ADGRL1: variants seen among roughly 807,000 people sequenced by gnomAD.
The protein encoded by ADGRL1 is CIRL-1.
Under a neutral mutation model 148.9 loss-of-function variants are expected in ADGRL1, and 31 were observed. That is an observed-to-expected ratio of 0.21 (90% CI 0.16 to 0.28). The LOEUF (loss-of-function observed/expected upper bound fraction) is 0.28. ADGRL1 is among the 10% of genes least tolerant of loss of function. The pLI is 1.00. For missense variants in ADGRL1, 1,521 were observed against 2,058.8 expected (o/e 0.74, Z 5.05); for synonymous variants, 937 against 900.3 (o/e 1.04, Z -0.73).
chr19:14,163,465 G>GGGGAGAGAGAGA (rs1555785179), intron 4 of ADGRL1, 59 bp from the exon 5 acceptor site: 15 of 702,282 alleles, frequency 2.1e-5, no homozygotes, highest in Admixed American at 9.5e-5. Context: ...GCGAGAGGGA[G>GGGGAGAGAGAGA]GAGAGAGAGA....
In ADGRL1 at chr19:14,163,465, G is replaced by GGAGAGAGAGAGA. The variant is rs71170599; in HGVS notation, c.395-71_395-60dup. On this transcript the variant is annotated intron_variant, in intron 4 of 22. Coordinates refer to ENST00000361434, the MANE Select transcript of ADGRL1 (RefSeq NM_014921.5). ...AGAGAAGGGGCAGAGGCGAGAGGGA[G>GGAGAGAGAGAGA]GAGAGAGAGAGAGAGAGAGAGAGAG... 2,678 of 700,814 alleles carry GGAGAGAGAGAGA rather than the reference G, an allele frequency of 3.8e-3. 2 individuals are homozygous for GGAGAGAGAGAGA. Among genetic ancestry groups the GGAGAGAGAGAGA allele is most frequent in the South Asian group, 5.6e-3 (254 of 45,426 alleles). The allele number at this position is 700,814 out of a possible 1,614,324, so 43.4% of individuals were successfully genotyped here.
chr19:14,171,436 A>G (rs947473000), intron 3 of ADGRL1, among the ~76,000 whole-genome samples: 1 of 152,148 alleles, frequency 6.6e-6, no homozygotes, highest in African/African-American at 2.4e-5. Context: ...AGGAGGAGTC[A>G]CCCGCTAAAC....
chr19:14,151,087 C>T lies in ADGRL1; in HGVS notation c.4196G>A (p.Gly1399Glu). 6.6e-7 allele frequency: 1 copy of T among 1,517,960 alleles called. No homozygotes were observed. Among genetic ancestry groups the T allele is most frequent in the Non-Finnish European group, 8.8e-7 (1 of 1,132,464 alleles). 94.0% of individuals were successfully genotyped at this position (1,517,960 alleles called of 1,614,324 possible). A position where few individuals can be genotyped will look rare whatever the true frequency, so the allele number is the denominator to read the frequency against. ...GGGTGGGGGCAGGGCCTCACTGGGC[C>T]CCTCAGGGCTGCTGTCCGGGTAGGA... ...SPSYPDSSPE[G>E]PSEALPPPPP... Residue 1399 changes from glycine (G) to glutamate (E), a missense_variant, in exon 23 of 23, where the codon GGG becomes GAG. Coordinates refer to ENST00000361434, the MANE Select transcript of ADGRL1 (RefSeq NM_014921.5).
rs762441102 is a variant in ADGRL1, at chr19:14,157,495, T to C, written c.2536-35A>G. The stretch of plus-strand genomic sequence containing the variant: ...GGAACAGGGGGCACGCTCAGGGCCT[T>C]TGGTTTTGCACGCTGGGCTCAGCCA... On this transcript the variant is annotated intron_variant, in intron 13 of 22. Coordinates refer to ENST00000361434, the MANE Select transcript of ADGRL1 (RefSeq NM_014921.5). This position sits in a 1 kb window ranked among gnomAD's most constrained non-coding sequence, Gnocchi z 7.5. 4 of 1,605,162 alleles carry C rather than the reference T, an allele frequency of 2.5e-6. No homozygotes were observed. The highest frequency in any genetic ancestry group is 1.7e-5 in the Admixed American group (1 of 59,980).
chr19:14,186,721 T>A (rs1438878658), intron 1 of ADGRL1, among the ~76,000 whole-genome samples: 3 of 152,140 alleles, frequency 2.0e-5, no homozygotes, highest in Non-Finnish European at 4.4e-5. Flanking sequence ...AGTTCCTCAC[T>A]AGAGCCCAGA....
At chr19:14,193,044 C>T (rs1260173019) in intron 1 of ADGRL1, among the ~76,000 whole-genome samples, 1 of 152,130 alleles carries the variant, frequency 6.6e-6, no homozygotes, top group African/African-American at 2.4e-5. Context: ...CCTGGGGGAC[C>T]ACGCCTGACC....
At chr19:14,180,155 C>T (rs1171572341) in intron 2 of ADGRL1, among the ~76,000 whole-genome samples, 2 of 152,124 alleles carry the variant, frequency 1.3e-5, no homozygotes, top group African/African-American at 4.8e-5. Context: ...CACATTGTTG[C>T]CGGGAGAGTT....
At chr19:14,189,544 G>A (rs898789370) in intron 1 of ADGRL1, among the ~76,000 whole-genome samples, 1 of 152,102 alleles carries the variant, frequency 6.6e-6, no homozygotes, top group African/African-American at 2.4e-5. Flanking sequence ...TTTGTGTCCA[G>A]CTTCTCTCAC....
chr19:14,180,169 A>G (rs1406218016), intron 2 of ADGRL1, among the ~76,000 whole-genome samples: 2 of 152,112 alleles, frequency 1.3e-5, no homozygotes, highest in Non-Finnish European at 2.9e-5. Flanking sequence ...GAGAGTTAAC[A>G]CTGTCCAGGA....
intron 1 of ADGRL1, among the ~76,000 whole-genome samples, chr19:14,192,034 AG>A (rs1170456231): frequency 1.3e-5 from 2 of 151,956 alleles, no homozygotes; most frequent in Admixed American, 6.6e-5. Flanking sequence ...CTCTGAGAGT[AG>A]GGGGCCCCAC....
chr19:14,183,548 T>C lies in ADGRL1; in HGVS notation c.55A>G (p.Thr19Ala). 2 of 1,579,508 alleles carry C rather than the reference T, an allele frequency of 1.3e-6. No individual in the cohort carries two copies. The highest frequency in any genetic ancestry group is 1.7e-6 in the Non-Finnish European group (2 of 1,162,430). The change falls in exon 2 of 23, where the codon ACC (threonine) becomes GCC (alanine). Residue 19 changes from threonine to alanine, a missense_variant. By Grantham distance (58) the Thr-to-Ala change is moderately conservative (BLOSUM62 0). Around this residue, in one of 8 missense-constraint regions of ADGRL1, gnomAD observed 334 missense variants for 512.5 expected, o/e 0.65. Transcript: ENST00000361434. ...CAGCACCTACCTTGGGTGGCCGAGG[T>C]GACCAGGACGGCGGTGACACACAGA... ...WNLCVTAVLV[T>A]SATQGLSRAG...
rs71170599 is a variant in ADGRL1 at position 14,163,465 on chromosome 19, G to GGAGAGAGAGAGAGA, written c.395-73_395-60dup. On this transcript the variant is annotated intron_variant, in intron 4 of 22. Coordinates refer to ENST00000361434, the MANE Select transcript of ADGRL1 (RefSeq NM_014921.5). ...AGAGAAGGGGCAGAGGCGAGAGGGA[G>GGAGAGAGAGAGAGA]GAGAGAGAGAGAGAGAGAGAGAGAG... The GGAGAGAGAGAGAGA allele has an allele frequency of 7.3e-4, 514 of 702,082 alleles. 1 individual carries two copies. Among genetic ancestry groups the GGAGAGAGAGAGAGA allele is most frequent in the African/African-American group, 6.4e-3 (273 of 42,846 alleles). The allele number at this position is 702,082 out of a possible 1,614,324, so 43.5% of individuals were successfully genotyped here.
rs1599383001 is a variant in ADGRL1 at position 14,152,535 on chromosome 19, T to G, written c.3502A>C (p.Thr1168Pro). The G allele has an allele frequency of 6.2e-7, 1 of 1,613,806 alleles. No individual in the cohort carries two copies. The highest frequency in any genetic ancestry group is 8.5e-7 in the Non-Finnish European group (1 of 1,179,878). The change falls in exon 20 of 23, where the codon ACC becomes CCC. Residue 1168 changes from threonine to proline, a missense_variant. Physicochemically the swap from Thr to Pro is conservative, Grantham distance 38. Coordinates refer to ENST00000361434, the MANE Select transcript of ADGRL1 (RefSeq NM_014921.5). The surrounding 1 kb of genome is among the most constrained non-coding windows in gnomAD (Gnocchi z 6.1). The stretch of plus-strand genomic sequence containing the variant: ...TTCTCACCTCGGTTCAGGGTGGGGG[T>G]GCTGTTGATGTCACCCGCCATGAAG... Reference protein sequence around the residue: ...SSFMAGDINSTPTLNRGTMGN... With the variant: ...SSFMAGDINSPPTLNRGTMGN...
At position 14,177,722 on chromosome 19, in the gene ADGRL1, C is replaced by A. The variant is rs773627286; in HGVS notation, c.93G>T (p.Pro31=). The change falls in exon 3 of 23, where the codon CCG becomes CCT. Residue 31 remains proline, a synonymous_variant. Coordinates refer to ENST00000361434, the MANE Select transcript of ADGRL1 (RefSeq NM_014921.5). ...ATQGLSRAGL[P]FGLMRRELAC... is the part of the protein sequence containing the mutation. Reference sequence around the variant, plus strand: ...CCAGCTCCCGGCGCATCAGCCCGAACGGGAGCCCGGCCCGGCTCAGGCCTG... The same window carrying A: ...CCAGCTCCCGGCGCATCAGCCCGAAAGGGAGCCCGGCCCGGCTCAGGCCTG... 8 of 1,612,486 alleles carry A rather than the reference C, an allele frequency of 5.0e-6. No homozygotes were observed. Among genetic ancestry groups the A allele is most frequent in the Non-Finnish European group, 6.8e-6 (8 of 1,179,748 alleles).
chr19:14,167,123 G>T, intron 4 of ADGRL1: 2 of 1,144,994 alleles, frequency 1.7e-6, no homozygotes, highest in Non-Finnish European at 2.6e-6. Flanking sequence ...AATTGCTTTC[G>T]TTTCTTTTCT....
intron 1 of ADGRL1, among the ~76,000 whole-genome samples, chr19:14,185,351 T>C (rs1206503439): frequency 1.3e-5 from 2 of 152,114 alleles, no homozygotes; most frequent in Non-Finnish European, 2.9e-5. Flanking sequence ...TGGAGTACAG[T>C]GGCACAATGA....
intron 3 of ADGRL1, among the ~76,000 whole-genome samples, chr19:14,171,896 C>T (rs1213464883): frequency 6.6e-6 from 1 of 152,216 alleles, no homozygotes; most frequent in Non-Finnish European, 1.5e-5. Flanking sequence ...CAGGCTGGGG[C>T]TAGGCCAGGC....
intron 15 of ADGRL1, 49 bp downstream of exon 15, chr19:14,156,876 C>A (rs1443292927): frequency 3.1e-6 from 5 of 1,591,962 alleles, no homozygotes; most frequent in Non-Finnish European, 4.3e-6. Context: ...GGGTGCCGCC[C>A]AGCAGGGAAC....
Position 14,150,660 on chromosome 19 carries a change from C to A in ADGRL1, c.*213G>T. ...ACACTTCCCCCAAATAGAGCTGGTG[C>A]GTGTGGCTGGTGGGAAACCCTGTCT... On this transcript the variant is annotated 3_prime_UTR_variant, in exon 23 of 23. Coordinates refer to ENST00000361434, the MANE Select transcript of ADGRL1 (RefSeq NM_014921.5). 1.7e-6 allele frequency: 1 copy of A among 586,802 alleles called. No individual in the cohort carries two copies. The highest frequency in any genetic ancestry group is 3.3e-5 in the Admixed American group (1 of 30,052). 36.3% of individuals were successfully genotyped at this position (586,802 alleles called of 1,614,324 possible).
Sources: allele counts gnomAD v4.1 joint callset (sites outside exome capture counted in the v4.1 genomes callset), GRCh38; gene constraint gnomAD v4.1.1; regional missense constraint gnomAD v4.1.1; non-coding constraint Gnocchi (gnomAD v3.1); transcripts MANE v1.5; gene names NCBI Gene and HGNC (gene_info 2026-07-23, HGNC 2026-07-21).